Variants in CAB39L observed in about 807,000 individuals in gnomAD.
CAB39L encodes the protein calcium-binding protein 39-like.
Under a neutral mutation model 39.1 loss-of-function variants are expected in CAB39L, and 23 were observed. The ratio of observed to expected loss-of-function variants is 0.59; its 90% CI spans 0.42 to 0.83. CAB39L has a LOEUF of 0.83. Ranked by LOEUF, CAB39L falls within the 40% of genes least tolerant of loss-of-function variation. CAB39L has a pLI of 0.00. For synonymous variants in CAB39L, 126 were observed against 137.2 expected (o/e 0.92, Z 0.57); for missense variants, 366 against 391.9 (o/e 0.93, Z 0.56).
At position 49,336,537 on chromosome 13, in the gene CAB39L, T is replaced by C. The variant is rs1211413651; in HGVS notation, c.690+3140A>G. Among the ~76,000 whole-genome samples, 6 of 152,200 alleles carry C rather than the reference T, an allele frequency of 3.9e-5. No homozygotes were observed. In the East Asian group the frequency reaches 1.2e-3, roughly 29 times the overall value. ...CAAATAAGTAGGAAATACAAACAGC[T>C]TTCTTCCTCCAAATTTGGTTCAATC... On this transcript the variant is annotated intron_variant, in intron 9 of 10. Transcript: ENST00000409308.
At chr13:49,347,296 A>G (rs989976728) in intron 7 of CAB39L, among the ~76,000 whole-genome samples, 2 of 152,228 alleles carry the variant, frequency 1.3e-5, no homozygotes, top group Non-Finnish European at 2.9e-5. Context: ...TTGTCATTCA[A>G]TATTGTTGCT....
intron 5 of CAB39L, among the ~76,000 whole-genome samples, chr13:49,362,510 T>A (rs1818096122): frequency 6.6e-6 from 1 of 151,828 alleles, no homozygotes; most frequent in Non-Finnish European, 1.5e-5. Context: ...AAAGAATTAG[T>A]GAGCTTGCAG....
intron 10 of CAB39L, among the ~76,000 whole-genome samples, chr13:49,327,326 C>G (rs1954533882): frequency 6.6e-6 from 1 of 152,114 alleles, no homozygotes; most frequent in Non-Finnish European, 1.5e-5. Context: ...TTTTTTGAGA[C>G]AGAGTCTCGC....
At chr13:49,359,874 T>C (rs374229772) in intron 5 of CAB39L, 42 bp from the exon 6 acceptor site, 2 of 1,054,254 alleles carry the variant, frequency 1.9e-6, no homozygotes, top group Non-Finnish European at 3.0e-6. Context: ...ACACTCTAAA[T>C]GGATGAATTG....
intron 10 of CAB39L, among the ~76,000 whole-genome samples, chr13:49,329,195 AC>A (rs1954594140): frequency 6.6e-6 from 1 of 152,026 alleles, no homozygotes; most frequent in Admixed American, 6.6e-5. Flanking sequence ...GTTTTCATTT[AC>A]TCTAAATCCA....
intron 3 of CAB39L, among the ~76,000 whole-genome samples, chr13:49,387,735 GA>G (rs1566109888): frequency 2.0e-5 from 3 of 152,070 alleles, no homozygotes; most frequent in Admixed American, 1.3e-4. Flanking sequence ...AAGAAAAGAA[GA>G]AAAGGAGACA....
chr13:49,336,127 C>CAAA (rs199728869), intron 9 of CAB39L, among the ~76,000 whole-genome samples: 1 of 115,574 alleles, frequency 8.7e-6, no homozygotes, highest in African/African-American at 3.1e-5. Flanking sequence ...GTTTTTCTAG[C>CAAA]AAAAAAAAAA....
At chr13:49,398,971 G>A (rs1007199908) in intron 3 of CAB39L, among the ~76,000 whole-genome samples, 11 of 151,988 alleles carry the variant, frequency 7.2e-5, no homozygotes, top group African/African-American at 2.7e-4. Flanking sequence ...GTCTTTTCTT[G>A]TTCTCTTCAG....
At chr13:49,389,269 C>T (rs535307925) in intron 3 of CAB39L, among the ~76,000 whole-genome samples, 47 of 152,250 alleles carry the variant, frequency 3.1e-4, no homozygotes, top group Non-Finnish European at 6.2e-4. Flanking sequence ...TCTGCACTTC[C>T]GTATTCATTG....
chr13:49,384,283 G>C (rs776791872), intron 3 of CAB39L, among the ~76,000 whole-genome samples: 3 of 152,084 alleles, frequency 2.0e-5, no homozygotes, highest in African/African-American at 4.8e-5. Context: ...AAGTTTTATC[G>C]TGAGATTGCA....
intron 4 of CAB39L, 83 bp from the exon 5 acceptor site, chr13:49,377,214 A>C: frequency 8.6e-7 from 1 of 1,165,498 alleles, no homozygotes; most frequent in South Asian, 1.5e-5. Context: ...CCAAAAAACC[A>C]CTTCTTGGTC....
At chr13:49,368,058 G>A (rs553021645) in intron 5 of CAB39L, among the ~76,000 whole-genome samples, 4 of 152,076 alleles carry the variant, frequency 2.6e-5, no homozygotes, top group African/African-American at 4.8e-5. Context: ...CATCTGTTTC[G>A]TTCAAACCTT....
intron 5 of CAB39L, among the ~76,000 whole-genome samples, chr13:49,365,765 T>C (rs891255304): frequency 2.6e-5 from 4 of 152,152 alleles, no homozygotes; most frequent in Admixed American, 2.6e-4. Context: ...CAAATAGAGA[T>C]ACCATATGAT....
intron 5 of CAB39L, among the ~76,000 whole-genome samples, chr13:49,375,320 C>T (rs769893531): frequency 5.9e-5 from 9 of 152,046 alleles, no homozygotes; most frequent in Non-Finnish European, 1.0e-4. Flanking sequence ...ATTCTAATTC[C>T]GAGTCAAGTG....
chr13:49,409,511 T>C (rs1285977488), intron 3 of CAB39L, among the ~76,000 whole-genome samples: 1 of 148,422 alleles, frequency 6.7e-6, no homozygotes, highest in African/African-American at 2.5e-5. Context: ...AGGAGGAAGG[T>C]AGAAGATGAG....
At chr13:49,330,673 ATTTTT>A (rs1226973944) in intron 10 of CAB39L, among the ~76,000 whole-genome samples, 22 of 149,788 alleles carry the variant, frequency 1.5e-4, no homozygotes, top group Non-Finnish European at 1.9e-4. Flanking sequence ...AAAAATATTT[ATTTTT>A]TTATTTATTA....
intron 1 of CAB39L, among the ~76,000 whole-genome samples, chr13:49,435,620 C>T (rs1957398052): frequency 6.6e-6 from 1 of 152,176 alleles, no homozygotes; most frequent in African/African-American, 2.4e-5. Flanking sequence ...CCTCCCTCAG[C>T]CTCCCCAGTA....
intron 3 of CAB39L, among the ~76,000 whole-genome samples, chr13:49,400,443 A>AACAC (rs60080189): frequency 2.4e-3 from 333 of 138,612 alleles, no homozygotes; most frequent in East Asian, 0.01. Flanking sequence ...TACAAACACA[A>AACAC]ACACACACAC....
At chr13:49,433,193 G>A (rs2138737016) in intron 3 of CAB39L, 125 bp downstream of exon 3, 1 of 270,728 alleles carries the variant, frequency 3.7e-6, no homozygotes, top group African/African-American at 2.2e-5. Context: ...TTCTGCAACT[G>A]CTTTATAACA....
Sources: allele counts gnomAD v4.1 joint callset (sites outside exome capture counted in the v4.1 genomes callset), GRCh38; gene constraint gnomAD v4.1.1; transcripts MANE v1.5; gene names NCBI Gene and HGNC (gene_info 2026-07-23, HGNC 2026-07-21).